The following DIP2B variants were observed in gnomAD, a reference collection of about 807,000 sequenced individuals.
DIP2B encodes the protein disco-interacting protein 2 homolog B.
DIP2B carries 76 observed loss-of-function variants against 198.0 expected under a neutral mutation model. The observed-to-expected ratio is 0.38, with a 90% confidence interval of 0.32 to 0.46. The LOEUF (loss-of-function observed/expected upper bound fraction) is 0.46. Ranked by LOEUF, DIP2B falls within the 20% of genes least tolerant of loss-of-function variation. DIP2B has a pLI of 0.99. For synonymous variants in DIP2B, 701 were observed against 739.1 expected, an observed-to-expected ratio of 0.95 and a Z score of 0.84; for missense variants, 1,559 against 1,978.4, an observed-to-expected ratio of 0.79 and a Z score of 4.02.
chr12:50,505,273 G>A, intron 1 of DIP2B, 33 bp downstream of exon 1: 1 of 1,441,644 alleles, frequency 6.9e-7, no homozygotes, highest in Non-Finnish European at 9.0e-7. Flanking sequence ...GGCGCCCGGG[G>A]CCCTGCGGAT....
At chr12:50,647,422 A>G (rs1359822314) in intron 3 of DIP2B, among the ~76,000 whole-genome samples, 1 of 152,196 alleles carries the variant, frequency 6.6e-6, no homozygotes, top group Non-Finnish European at 1.5e-5. Context: ...AGGCAGAAGA[A>G]ACATAATTTA....
chr12:50,586,570 A>G (rs1958772218), intron 1 of DIP2B, among the ~76,000 whole-genome samples: 1 of 152,244 alleles, frequency 6.6e-6, no homozygotes, highest in Admixed American at 6.5e-5. Context: ...ACGTAAAACA[A>G]ACAAACAACA....
rs147401510 is a variant in DIP2B, at chr12:50,588,841, C to T, written c.101-37135C>T. On this transcript the variant is annotated intron_variant, in intron 1 of 37. Coordinates refer to ENST00000301180, the MANE Select transcript of DIP2B (RefSeq NM_173602.3). ...TTAATTTCCAGAATTTATATTTGCT[C>T]ACCTTTAAAATCAGTTGATTGAATG... Among the ~76,000 whole-genome samples the T allele has an allele frequency of 4.7e-3, 722 of 152,232 alleles. 8 individuals carry two copies. Among genetic ancestry groups the T allele is most frequent in the African/African-American group, 0.016 (683 of 41,526 alleles).
intron 1 of DIP2B, among the ~76,000 whole-genome samples, chr12:50,535,670 C>T (rs974458813): frequency 4.6e-5 from 7 of 151,318 alleles, no homozygotes; most frequent in Admixed American, 2.0e-4. Context: ...CACGTCTGGC[C>T]GAGCCCAGGA....
In DIP2B at chr12:50,640,804, T is replaced by C; in HGVS notation, c.253T>C (p.Tyr85His). 6.2e-7 allele frequency: 1 copy of C among 1,613,978 alleles called. No individual in the cohort carries two copies. Among genetic ancestry groups the C allele is most frequent in the Non-Finnish European group, 8.5e-7 (1 of 1,179,898 alleles). ...AGCTCAAACTTCTGCTCCCTCTAAGTACCACCGAACTCGATCTGGGGGAGC... is the reference window on the plus strand; with the variant it reads ...AGCTCAAACTTCTGCTCCCTCTAAGCACCACCGAACTCGATCTGGGGGAGC... ...SAAQTSAPSK[Y>H]HRTRSGGARD... The change falls in exon 3 of 38, where the codon TAC (tyrosine) becomes CAC (histidine). Residue 85 changes from tyrosine to histidine, a missense_variant. Coordinates refer to ENST00000301180, the MANE Select transcript of DIP2B (RefSeq NM_173602.3).
intron 3 of DIP2B, among the ~76,000 whole-genome samples, chr12:50,657,904 G>A (rs1209992102): frequency 6.6e-6 from 1 of 152,014 alleles, no homozygotes; most frequent in Non-Finnish European, 1.5e-5. Context: ...ACCTATAGAG[G>A]ACATTATTGG....
At chr12:50,581,206 A>G (rs952297409) in intron 1 of DIP2B, among the ~76,000 whole-genome samples, 1 of 149,556 alleles carries the variant, frequency 6.7e-6, no homozygotes, top group South Asian at 2.2e-4. Context: ...TTCTGGCCCA[A>G]TTGAGACTTT....
intron 3 of DIP2B, among the ~76,000 whole-genome samples, chr12:50,641,953 T>A (rs1347202454): frequency 2.0e-5 from 3 of 152,198 alleles, no homozygotes; most frequent in South Asian, 2.1e-4. Flanking sequence ...AAGGTTGCCT[T>A]AACATTTTCT....
At chr12:50,641,789 T>C (rs1938261500) in intron 3 of DIP2B, among the ~76,000 whole-genome samples, 1 of 151,966 alleles carries the variant, frequency 6.6e-6, no homozygotes, top group South Asian at 2.1e-4. Context: ...GCACGTGTGG[T>C]GCAGCAGGCC....
In DIP2B at chr12:50,709,808, T is replaced by C. The variant is rs148808345; in HGVS notation, c.2649+1246T>C. 3.4e-3 allele frequency among the ~76,000 whole-genome samples: 514 copies of C among 151,792 alleles called. 5 individuals carry two copies. Among genetic ancestry groups the C allele is most frequent in the African/African-American group, 0.012 (478 of 41,366 alleles). On this transcript the variant is annotated intron_variant, in intron 22 of 37. Coordinates refer to ENST00000301180, the MANE Select transcript of DIP2B (RefSeq NM_173602.3). ...AGAGGAAGACCCTGGCTCAAAATAA[T>C]AATAATAATGATAGTAATAATGAGC...
chr12:50,718,596 C>G, intron 23 of DIP2B, 113 bp from the exon 24 acceptor site: 1 of 892,440 alleles, frequency 1.1e-6, no homozygotes, highest in Non-Finnish European at 1.8e-6. Flanking sequence ...GAAGAGTGTT[C>G]AGGCAGTATT....
chr12:50,743,333 G>A (rs1050267838), intron 37 of DIP2B, among the ~76,000 whole-genome samples: 3 of 152,034 alleles, frequency 2.0e-5, no homozygotes, highest in Non-Finnish European at 2.9e-5. Context: ...CGCCCACCTC[G>A]GCCTCCCAAA....
At chr12:50,610,913 C>T (rs1959026294) in intron 1 of DIP2B, among the ~76,000 whole-genome samples, 1 of 151,398 alleles carries the variant, frequency 6.6e-6, no homozygotes, top group African/African-American at 2.4e-5. Context: ...AGTTCTCTGT[C>T]TCAGCCTCCT....
chr12:50,718,109 AGG>A (rs1939766682), intron 23 of DIP2B, among the ~76,000 whole-genome samples: 1 of 148,542 alleles, frequency 6.7e-6, no homozygotes, highest in South Asian at 2.2e-4. Flanking sequence ...CATGTTGGCC[AGG>A]ATGGTCTCCA....
chr12:50,711,516 A>C (rs1939615006), intron 22 of DIP2B, among the ~76,000 whole-genome samples: 1 of 151,930 alleles, frequency 6.6e-6, no homozygotes, highest in Admixed American at 6.6e-5. Flanking sequence ...GAGGATTGTG[A>C]TTTTCAAGTT....
chr12:50,557,480 C>T (rs1022774388), intron 1 of DIP2B, among the ~76,000 whole-genome samples: 3 of 152,134 alleles, frequency 2.0e-5, no homozygotes, highest in African/African-American at 7.2e-5. Flanking sequence ...TATAAAGCAT[C>T]GGCTGTACAT....
At chr12:50,668,963 C>A (rs1938802719) in intron 4 of DIP2B, among the ~76,000 whole-genome samples, 1 of 152,066 alleles carries the variant, frequency 6.6e-6, no homozygotes, top group Non-Finnish European at 1.5e-5. Flanking sequence ...CCCCCTTTTG[C>A]ATGATAGATC....
At chr12:50,542,870 T>C (rs2139376808) in intron 1 of DIP2B, among the ~76,000 whole-genome samples, 1 of 152,316 alleles carries the variant, frequency 6.6e-6, no homozygotes, top group South Asian at 2.1e-4. Flanking sequence ...TTCTTTTCTT[T>C]TTCTTTTTTA....
At position 50,717,896 on chromosome 12, in the gene DIP2B, C is replaced by CTTTT. The variant is rs60627093; in HGVS notation, c.2852-794_2852-791dup. On this transcript the variant is annotated intron_variant, in intron 23 of 37. Transcript: ENST00000301180. The stretch of plus-strand genomic sequence containing the variant: ...AGCCACCGTTCCTGGCCATTATTCA[C>CTTTT]TTTTTTTTTTTTTTTTTTTTTTGAG... 7.0e-3 allele frequency among the ~76,000 whole-genome samples: 608 copies of CTTTT among 87,002 alleles called. 6 individuals carry two copies. Among genetic ancestry groups the CTTTT allele is most frequent in the Middle Eastern group, 0.02 (1 of 50 alleles). 57.1% of individuals were successfully genotyped at this position (87,002 alleles called of 152,430 possible). A position where few individuals can be genotyped will look rare whatever the true frequency, so the allele number is the denominator to read the frequency against.
Sources: gnomAD v4.1 joint callset for allele counts (sites outside exome capture counted in the v4.1 genomes callset) on GRCh38, gnomAD v4.1.1 for gene constraint, MANE v1.5 for transcripts, NCBI Gene and HGNC (gene_info 2026-07-23, HGNC 2026-07-21) for gene names.